CAMK2B: variants seen among roughly 807,000 people sequenced by gnomAD.
CAMK2B encodes calcium/calmodulin dependent protein kinase II beta.
CAMK2B carries 27 observed loss-of-function variants against 93.7 expected under a neutral mutation model. That is an observed-to-expected ratio of 0.29 (90% confidence interval 0.21 to 0.40). CAMK2B has a LOEUF of 0.40. Ranked by LOEUF, CAMK2B falls within the 10% of genes least tolerant of loss-of-function variation. The probability of loss-of-function intolerance (pLI) is 1.00; values close to 1 mark genes in which losing one functional copy is unlikely to be tolerated. For synonymous variants in CAMK2B, 374 were observed against 358.8 expected, an observed-to-expected ratio of 1.04 and a Z score of -0.48; for missense variants, 568 against 895.8, an observed-to-expected ratio of 0.63 and a Z score of 4.67.
At chr7:44,222,999 T>G (rs560155032) in intron 20 of CAMK2B, among the ~76,000 whole-genome samples, 1 of 152,124 alleles carries the variant, frequency 6.6e-6, no homozygotes, top group African/African-American at 2.4e-5. Context: ...ACCTGAGGAG[T>G]GGGGTGCACA....
chr7:44,268,420 C>T (rs1262095618), intron 2 of CAMK2B, among the ~76,000 whole-genome samples: 1 of 152,218 alleles, frequency 6.6e-6, no homozygotes. Context: ...CAACGCCACG[C>T]CAGTACCAGG....
rs1264524227 is a variant in CAMK2B at position 44,226,559 on chromosome 7, CG to C, written c.1553del (p.Pro518ArgfsTer48). The part of the protein sequence containing the change: ...EAEGPSPVGP[P>X]PCPSPTIPGP... ...CAGGGATAGTCGGAGATGGGCAGGG[CG>C]GGGGCCCCACTGGCGAGGGGCCCTC... is the stretch of plus-strand genomic sequence containing the variant. On this transcript the variant is annotated frameshift_variant, in exon 20 of 24. Transcript: ENST00000395749. LOFTEE classifies it high-confidence loss of function. The C allele has an allele frequency of 4.1e-6, 6 of 1,455,590 alleles. No homozygotes were observed. Among genetic ancestry groups the C allele is most frequent in the South Asian group, 1.6e-5 (1 of 63,140 alleles). 90.2% of individuals were successfully genotyped at this position (1,455,590 alleles called of 1,614,324 possible). A position where few individuals can be genotyped will look rare whatever the true frequency, so the allele number is the denominator to read the frequency against.
chr7:44,278,962 G>A (rs1562995894), intron 2 of CAMK2B, among the ~76,000 whole-genome samples: 2 of 152,244 alleles, frequency 1.3e-5, no homozygotes, highest in East Asian at 1.9e-4. Context: ...ACACCTCAGG[G>A]ATGCTACCCA....
intron 22 of CAMK2B, 112 bp from the exon 23 acceptor site, chr7:44,220,406 G>A (rs2096385819): frequency 8.6e-6 from 8 of 933,004 alleles, no homozygotes; most frequent in African/African-American, 1.6e-5. Flanking sequence ...TATTGGGGAG[G>A]CTCGGCTCTC....
chr7:44,247,223 G>A (rs1297846135), intron 5 of CAMK2B, 31 bp from the exon 6 acceptor site: 1 of 1,600,156 alleles, frequency 6.2e-7, no homozygotes, highest in South Asian at 1.1e-5. Context: ...GTTAGTGCGA[G>A]TGGCCCTGGG....
intron 5 of CAMK2B, among the ~76,000 whole-genome samples, chr7:44,250,973 G>C (rs142379306): frequency 2.3e-4 from 35 of 152,322 alleles, no homozygotes; most frequent in African/African-American, 7.5e-4. Context: ...GGAATTTCCA[G>C]CTTTGTTGGT....
chr7:44,276,099 G>A (rs1760807477), intron 2 of CAMK2B, among the ~76,000 whole-genome samples: 1 of 151,828 alleles, frequency 6.6e-6, no homozygotes, highest in Admixed American at 6.6e-5. Context: ...CAGGGAGGAG[G>A]TGGGGAGAGA....
intron 3 of CAMK2B, among the ~76,000 whole-genome samples, chr7:44,259,948 G>C (rs1462414614): frequency 1.3e-5 from 2 of 152,122 alleles, no homozygotes. Context: ...AGCACAGGGA[G>C]GTTAGGTAAG....
chr7:44,232,935 C>T lies in CAMK2B; in HGVS notation c.1132-69G>A, dbSNP rs117241455. The T allele has an allele frequency of 2.0e-3, 2,816 of 1,398,260 alleles. 5 individuals carry two copies. The highest frequency in any genetic ancestry group is 2.6e-3 in the Non-Finnish European group (2,554 of 989,154). The allele number at this position is 1,398,260 out of a possible 1,614,324, so 86.6% of individuals were successfully genotyped here. A position where few individuals can be genotyped will look rare whatever the true frequency, so the allele number is the denominator to read the frequency against. On this transcript the variant is annotated intron_variant, in intron 15 of 23. Coordinates refer to ENST00000395749, the MANE Select transcript of CAMK2B (RefSeq NM_001220.5). ...TGAGAAGAGGAGGAAGCGGAGACCA[C>T]CAGGAGGGGAACAGGGAGACAGAGG...
At position 44,228,860 on chromosome 7, in the gene CAMK2B, G is replaced by A. The variant is rs748610422; in HGVS notation, c.1404C>T (p.Gly468=). Residue 468 remains glycine, a synonymous_variant, in exon 19 of 24, where the codon GGC becomes GGT. Transcript: ENST00000395749. ...RRGSGTPEAE[G]PLSAGPPPCL... is the part of the protein sequence containing the mutation. ...AGGGCGGGGGCCCCGCTGAGAGGGG[G>A]CCCTCGGCTTCTGGGGTTCCTGAAC... 2.0e-6 allele frequency: 3 copies of A among 1,528,342 alleles called. No homozygotes were observed. The highest frequency in any genetic ancestry group is 1.2e-5 in the South Asian group (1 of 80,112). The allele number at this position is 1,528,342 out of a possible 1,614,324, so 94.7% of individuals were successfully genotyped here.
Position 44,220,855 on chromosome 7 carries a change from G to C in CAMK2B, c.1644C>G (p.Ala548=). 6.4e-7 allele frequency: 1 copy of C among 1,572,250 alleles called. No homozygotes were observed. Among genetic ancestry groups the C allele is most frequent in the Non-Finnish European group, 8.6e-7 (1 of 1,157,928 alleles). Reference sequence around the variant, plus strand: ...AGGCCTCAAAGTCACCGTTGTTGACGGCCTCGATGAGCTGCTCCGTGGTCT... The same window carrying C: ...AGGCCTCAAAGTCACCGTTGTTGACCGCCTCGATGAGCTGCTCCGTGGTCT... The part of the protein sequence containing the change: ...IIKTTEQLIE[A]VNNGDFEAYA... Residue 548 remains alanine, a synonymous_variant, in exon 21 of 24, where the codon GCC becomes GCG. Transcript: ENST00000395749.
intron 2 of CAMK2B, among the ~76,000 whole-genome samples, chr7:44,276,841 C>T (rs2097049628): frequency 6.6e-6 from 1 of 152,222 alleles, no homozygotes. Flanking sequence ...TGCTAACCAC[C>T]AGCTAGGGGA....
chr7:44,295,074 T>C (rs1228844395), intron 1 of CAMK2B, among the ~76,000 whole-genome samples: 2 of 152,200 alleles, frequency 1.3e-5, no homozygotes, highest in African/African-American at 4.8e-5. Flanking sequence ...GACTTATAAC[T>C]TAGCGCTGGT....
chr7:44,264,651 C>G (rs950062798), intron 2 of CAMK2B, among the ~76,000 whole-genome samples: 4 of 152,182 alleles, frequency 2.6e-5, no homozygotes, highest in African/African-American at 9.7e-5. Flanking sequence ...CCCTCTCCCA[C>G]CTGCACACCC....
chr7:44,266,026 T>C (rs2096918783), intron 2 of CAMK2B, among the ~76,000 whole-genome samples: 1 of 152,132 alleles, frequency 6.6e-6, no homozygotes, highest in Non-Finnish European at 1.5e-5. Context: ...TGATCATGCG[T>C]TACTTCCATA....
At chr7:44,254,914 T>C (rs1204805594) in intron 4 of CAMK2B, among the ~76,000 whole-genome samples, 1 of 151,174 alleles carries the variant, frequency 6.6e-6, no homozygotes, top group Non-Finnish European at 1.5e-5. Flanking sequence ...ACGATTATAC[T>C]CCATTTTTAT....
chr7:44,281,138 G>C (rs2097098983), intron 2 of CAMK2B, among the ~76,000 whole-genome samples: 1 of 152,250 alleles, frequency 6.6e-6, no homozygotes, highest in Non-Finnish European at 1.5e-5. Flanking sequence ...CACGCGGGAG[G>C]CGCTGGCTTT....
chr7:44,237,258 G>A (rs1260734946), intron 13 of CAMK2B, among the ~76,000 whole-genome samples: 2 of 152,264 alleles, frequency 1.3e-5, no homozygotes, highest in African/African-American at 4.8e-5. Context: ...TACTAAGAGG[G>A]TTCTATTTAG....
intron 22 of CAMK2B, 118 bp from the exon 23 acceptor site, chr7:44,220,412 C>T (rs1359365968): frequency 4.3e-6 from 4 of 922,324 alleles, no homozygotes; most frequent in African/African-American, 1.6e-5. Flanking sequence ...GGAGGCTCGG[C>T]TCTCCTGGGA....
Sources: allele counts gnomAD v4.1 joint callset (sites outside exome capture counted in the v4.1 genomes callset), GRCh38; gene constraint gnomAD v4.1.1; transcripts MANE v1.5; gene names NCBI Gene and HGNC (gene_info 2026-07-23, HGNC 2026-07-21).